The following ERG variants were observed in gnomAD, a reference collection of about 807,000 sequenced individuals.
The protein encoded by ERG is ETS transcription factor ERG.
In ERG, 9 loss-of-function variants were observed where a neutral mutation model predicts 55.3. The ratio of observed to expected loss-of-function variants is 0.16; its 90% CI spans 0.10 to 0.28. ERG has a LOEUF of 0.28. Among genes scored for constraint, ERG ranks in the 10% least tolerant of loss-of-function variants. The pLI is 1.00. For synonymous variants in ERG, 223 were observed against 237.3 expected, an observed-to-expected ratio of 0.94 and a Z score of 0.55; for missense variants, 434 against 631.6, an observed-to-expected ratio of 0.69 and a Z score of 3.35.
Position 38,391,022 on chromosome 21 carries a change from G to A in ERG, c.892C>T (p.Pro298Ser). The A allele has an allele frequency of 6.2e-7, 1 of 1,613,572 alleles. No individual in the cohort carries two copies. The highest frequency in any genetic ancestry group is 8.5e-7 in the Non-Finnish European group (1 of 1,179,648). Residue 298 changes from proline to serine, a missense_variant, in exon 9 of 10, where the codon CCA becomes TCA. This residue lies in a region of ERG where 99 missense variants were observed against 145.6 expected (regional missense o/e 0.68). Coordinates refer to ENST00000288319, the MANE Select transcript of ERG (RefSeq NM_182918.4). The part of the protein sequence containing the change: ...PQLDPYQILG[P>S]TSSRLANPGS... The stretch of plus-strand genomic sequence containing the variant: ...GGATTTGCAAGGCGGCTACTTGTTG[G>A]TCCAAGAATCTGATAAGGATCTACA...
chr21:38,413,463 CAATT>C lies in ERG; in HGVS notation c.389-9758_389-9755del, dbSNP rs541169173. On this transcript the variant is annotated intron_variant, in intron 3 of 9. Transcript: ENST00000288319. ...TTACTTCATTCATTTATTAATTAAT[CAATT>C]GTCAAAAATTACTTATATGAATTGT... is the stretch of plus-strand genomic sequence containing the variant. Among the ~76,000 whole-genome samples, 298 of 152,150 alleles carry C rather than the reference CAATT, an allele frequency of 2.0e-3. 1 individual carries two copies. Among genetic ancestry groups the C allele is most frequent in the African/African-American group, 6.5e-3 (268 of 41,512 alleles).
downstream of ERG, among the ~76,000 whole-genome samples, chr21:38,378,980 G>A (rs78981696): frequency 0.018 from 2,732 of 152,290 alleles, 102 homozygotes; most frequent in African/African-American, 0.062. Flanking sequence ...TGTGTATACA[G>A]CACCTGACCT....
At chr21:38,646,785 C>A (rs996082488) in intron 1 of ERG, among the ~76,000 whole-genome samples, 1 of 150,378 alleles carries the variant, frequency 6.6e-6, no homozygotes. Context: ...AGCTCAGCAT[C>A]TTTGTTGTTG....
intron 1 of ERG, among the ~76,000 whole-genome samples, chr21:38,583,352 G>C (rs920530610): frequency 1.3e-5 from 2 of 152,192 alleles, no homozygotes; most frequent in Non-Finnish European, 2.9e-5. Context: ...TGCAGGATCA[G>C]TACCTAAAGG....
At chr21:38,432,488 C>A (rs928773) in intron 2 of ERG, among the ~76,000 whole-genome samples, 124,448 of 152,244 alleles carry the variant, frequency 0.82, 51,083 homozygotes, top group East Asian at 0.94. Context: ...GGGTAAACAA[C>A]TCTTTCCAGG....
chr21:38,550,474 T>A (rs928619946), intron 2 of ERG, among the ~76,000 whole-genome samples: 2 of 152,190 alleles, frequency 1.3e-5, no homozygotes, highest in Admixed American at 6.5e-5. Flanking sequence ...GGAGGTCTCA[T>A]GAATTGCATT....
intron 3 of ERG, among the ~76,000 whole-genome samples, chr21:38,414,711 G>T (rs1420663105): frequency 6.6e-6 from 1 of 152,110 alleles, no homozygotes; most frequent in African/African-American, 2.4e-5. Flanking sequence ...TGTGACTCCC[G>T]ATCAAGGACT....
intron 2 of ERG, among the ~76,000 whole-genome samples, chr21:38,540,722 C>G (rs1395955678): frequency 4.6e-5 from 7 of 152,162 alleles, no homozygotes; most frequent in African/African-American, 1.7e-4. Flanking sequence ...TCAATCCAAT[C>G]CTTGCTAGGA....
chr21:38,595,414 G>C (rs2060125033), intron 1 of ERG, among the ~76,000 whole-genome samples: 1 of 152,202 alleles, frequency 6.6e-6, no homozygotes, highest in Non-Finnish European at 1.5e-5. Flanking sequence ...AGGGAAGAGA[G>C]GAGAGCAGGA....
chr21:38,416,868 G>A (rs1569080174), intron 3 of ERG, among the ~76,000 whole-genome samples: 1 of 152,208 alleles, frequency 6.6e-6, no homozygotes, highest in African/African-American at 2.4e-5. Context: ...GACACCGGGT[G>A]GTGAAAATGC....
At chr21:38,488,795 G>A (rs1011030681) in intron 1 of ERG, among the ~76,000 whole-genome samples, 1 of 152,240 alleles carries the variant, frequency 6.6e-6, no homozygotes, top group Non-Finnish European at 1.5e-5. Context: ...ATGATTCAAA[G>A]GAGACAGAGG....
chr21:38,516,939 A>C (rs540279576), intron 2 of ERG, among the ~76,000 whole-genome samples: 2 of 152,216 alleles, frequency 1.3e-5, no homozygotes, highest in African/African-American at 4.8e-5. Context: ...CTGGACCTCT[A>C]TCTCTTGCCA....
intron 3 of ERG, among the ~76,000 whole-genome samples, chr21:38,405,624 C>T (rs1043503183): frequency 1.3e-5 from 2 of 152,178 alleles, no homozygotes; most frequent in African/African-American, 4.8e-5. Context: ...AAGCGTGGTC[C>T]TCCAACCGCG....
intron 2 of ERG, 144 bp downstream of exon 2, chr21:38,445,260 G>T: frequency 1.5e-6 from 1 of 652,528 alleles, no homozygotes; most frequent in Non-Finnish European, 2.7e-6. Context: ...TCCTGCCTCA[G>T]GCTCCCGAGT....
At chr21:38,594,467 C>A (rs1373047465) in intron 1 of ERG, among the ~76,000 whole-genome samples, 1 of 152,058 alleles carries the variant, frequency 6.6e-6, no homozygotes, top group African/African-American at 2.4e-5. Context: ...ATGAACTGAG[C>A]ACTCACCCCA....
At chr21:38,419,404 T>C (rs1303663558) in intron 3 of ERG, among the ~76,000 whole-genome samples, 1 of 152,220 alleles carries the variant, frequency 6.6e-6, no homozygotes, top group Non-Finnish European at 1.5e-5. Flanking sequence ...TTTCTTTTTA[T>C]CCTGTAGGCA....
intron 1 of ERG, among the ~76,000 whole-genome samples, chr21:38,647,591 G>A (rs2060464830): frequency 1.3e-5 from 2 of 151,958 alleles, no homozygotes; most frequent in South Asian, 2.1e-4. Context: ...CAGGAGGTTG[G>A]TCATGAAAAA....
At chr21:38,604,871 A>G (rs2060187319) in intron 1 of ERG, among the ~76,000 whole-genome samples, 1 of 152,204 alleles carries the variant, frequency 6.6e-6, no homozygotes, top group African/African-American at 2.4e-5. Flanking sequence ...AAGATCTACA[A>G]GCCATTTGCT....
At chr21:38,386,269 A>G (rs1056999589) in intron 9 of ERG, among the ~76,000 whole-genome samples, 1 of 152,260 alleles carries the variant, frequency 6.6e-6, no homozygotes, top group Non-Finnish European at 1.5e-5. Context: ...GTCTATAGAA[A>G]TAAGAGAACT....
Sources: allele counts gnomAD v4.1 joint callset (sites outside exome capture counted in the v4.1 genomes callset), GRCh38; gene constraint gnomAD v4.1.1; regional missense constraint gnomAD v4.1.1; transcripts MANE v1.5; gene names NCBI Gene and HGNC (gene_info 2026-07-23, HGNC 2026-07-21).